Variants in ITCH observed in about 807,000 individuals in gnomAD.
ITCH encodes E3 ubiquitin-protein ligase Itchy homolog.
A neutral mutation model predicts 126.8 loss-of-function variants in ITCH; 28 were observed. That is an observed-to-expected ratio of 0.22 (90% CI 0.16 to 0.30). ITCH has a LOEUF of 0.30. ITCH is among the 10% of genes least tolerant of loss of function. The pLI is 1.00. For synonymous variants in ITCH, 342 were observed against 340.0 expected, an observed-to-expected ratio of 1.01 and a Z score of -0.06; for missense variants, 631 against 1,032.4, an observed-to-expected ratio of 0.61 and a Z score of 5.33.
At chr20:34,445,119 A>G (rs1275391601) in intron 10 of ITCH, among the ~76,000 whole-genome samples, 168 bp from the exon 11 acceptor site, 1 of 152,240 alleles carries the variant, frequency 6.6e-6, no homozygotes, top group African/African-American at 2.4e-5. Context: ...ATGAACTTTC[A>G]AGAAATAAAT....
Position 34,441,963 on chromosome 20 carries a change from C to T in ITCH, c.870-245C>T, listed in dbSNP as rs548272061. 71 of 490,664 alleles carry T rather than the reference C, an allele frequency of 1.4e-4. 1 individual carries two copies. The highest frequency in any genetic ancestry group is 1.4e-3 in the South Asian group (68 of 48,976). The allele number at this position is 490,664 out of a possible 1,614,324, so 30.4% of individuals were successfully genotyped here. On this transcript the variant is annotated intron_variant, in intron 9 of 24. Coordinates refer to ENST00000374864, the MANE Select transcript of ITCH (RefSeq NM_031483.7). ...TCCTAGGTAGACGGACCTCAAGCCTCTTCAGGAATATGTTTTCTCCTAGAG... is the reference window on the plus strand; with the variant it reads ...TCCTAGGTAGACGGACCTCAAGCCTTTTCAGGAATATGTTTTCTCCTAGAG...
chr20:34,435,075 C>A (rs1441015737), intron 7 of ITCH, among the ~76,000 whole-genome samples: 1 of 151,982 alleles, frequency 6.6e-6, no homozygotes, highest in Non-Finnish European at 1.5e-5. Flanking sequence ...CTCATTAAAC[C>A]CATGGTTTTA....
At chr20:34,424,808 C>T (rs1367129277) in intron 7 of ITCH, among the ~76,000 whole-genome samples, 1 of 152,094 alleles carries the variant, frequency 6.6e-6, no homozygotes, top group Non-Finnish European at 1.5e-5. Context: ...AACTCCAGAG[C>T]CATCATTGGG....
intron 7 of ITCH, among the ~76,000 whole-genome samples, chr20:34,432,880 C>G (rs1476643336): frequency 6.6e-6 from 1 of 152,152 alleles, no homozygotes; most frequent in African/African-American, 2.4e-5. Flanking sequence ...TCTGTGGAAC[C>G]TGGGAGATGG....
chr20:34,452,678 T>C (rs1195574610), intron 12 of ITCH, among the ~76,000 whole-genome samples: 1 of 152,098 alleles, frequency 6.6e-6, no homozygotes, highest in Non-Finnish European at 1.5e-5. Flanking sequence ...GAATAATTGG[T>C]TTTTTAGAGA....
At chr20:34,439,959 C>T (rs1983520413) in intron 8 of ITCH, among the ~76,000 whole-genome samples, 196 bp from the exon 9 acceptor site, 1 of 152,088 alleles carries the variant, frequency 6.6e-6, no homozygotes, top group Admixed American at 6.5e-5. Context: ...TAGACAGGAC[C>T]GAAAAAGTAA....
At chr20:34,364,025 G>T (rs2037309855) in intron 1 of ITCH, among the ~76,000 whole-genome samples, 2 of 152,252 alleles carry the variant, frequency 1.3e-5, no homozygotes, top group South Asian at 2.1e-4. Flanking sequence ...GCAGAGAAAA[G>T]AAAAAAGTAG....
intron 2 of ITCH, among the ~76,000 whole-genome samples, chr20:34,376,471 A>AATAC (rs1438029572): frequency 6.6e-6 from 1 of 151,906 alleles, no homozygotes; most frequent in Non-Finnish European, 1.5e-5. Flanking sequence ...TAAATAAATA[A>AATAC]ATAAATAAAA....
chr20:34,466,383 A>G (rs1322378871), intron 14 of ITCH: 1 of 532,326 alleles, frequency 1.9e-6, no homozygotes, highest in Admixed American at 1.9e-5. Context: ...TAGTTTTCTT[A>G]TAGTGTGGCT....
chr20:34,480,882 A>G, intron 19 of ITCH, 150 bp downstream of exon 19: 2 of 990,474 alleles, frequency 2.0e-6, no homozygotes, highest in African/African-American at 3.3e-5. Flanking sequence ...AATATGATAA[A>G]TTTTACAAAA....
At chr20:34,424,404 T>C in intron 6 of ITCH, 76 bp from the exon 7 acceptor site, 2 of 1,050,490 alleles carry the variant, frequency 1.9e-6, no homozygotes, top group South Asian at 1.3e-5. Context: ...TTTGCTTACA[T>C]GGCATGTTTA....
intron 16 of ITCH, chr20:34,476,317 A>G (rs1988215659): frequency 9.2e-7 from 1 of 1,084,562 alleles, no homozygotes; most frequent in Non-Finnish European, 1.4e-6. Flanking sequence ...CGACACGCTC[A>G]GCGGCCGGCT....
At chr20:34,407,672 C>A (rs1017057023) in intron 3 of ITCH, among the ~76,000 whole-genome samples, 1 of 152,156 alleles carries the variant, frequency 6.6e-6, no homozygotes, top group African/African-American at 2.4e-5. Flanking sequence ...ATATGCCATA[C>A]TCATTTGCCT....
At position 34,480,741 on chromosome 20, in the gene ITCH, C is replaced by A. The variant is rs779013000; in HGVS notation, c.1952+9C>A. ...TCTCTCATCTGGGTTAAGTAAGTTT[C>A]TTTTTCCATGTAATTTATTAAAATA... On this transcript the variant is annotated intron_variant, in intron 19 of 24. Coordinates refer to ENST00000374864, the MANE Select transcript of ITCH (RefSeq NM_031483.7). 1 of 1,587,554 alleles carries A rather than the reference C, an allele frequency of 6.3e-7. No individual in the cohort carries two copies. Among genetic ancestry groups the A allele is most frequent in the Middle Eastern group, 1.7e-4 (1 of 5,962 alleles).
intron 7 of ITCH, 99 bp from the exon 8 acceptor site, chr20:34,438,375 A>G: frequency 7.6e-7 from 1 of 1,319,854 alleles, no homozygotes; most frequent in Non-Finnish European, 1.1e-6. Flanking sequence ...AAGCTCTTAA[A>G]AACTTAGAAG....
At chr20:34,403,011 G>GT (rs910634311) in intron 3 of ITCH, among the ~76,000 whole-genome samples, 219 of 148,418 alleles carry the variant, frequency 1.5e-3, no homozygotes, top group African/African-American at 3.6e-3. Context: ...TTATACTTAT[G>GT]TTTTTTTTTT....
intron 6 of ITCH, chr20:34,417,031 T>G: frequency 3.8e-6 from 2 of 527,040 alleles, no homozygotes; most frequent in South Asian, 3.2e-5. Context: ...TGCCTCAGCC[T>G]CCAGAGTAGC....
chr20:34,368,622 C>T (rs1177215335), intron 1 of ITCH, among the ~76,000 whole-genome samples: 1 of 152,124 alleles, frequency 6.6e-6, no homozygotes, highest in African/African-American at 2.4e-5. Context: ...TGGAAACTAT[C>T]CTCACAACTA....
chr20:34,504,398 T>C lies in ITCH; in HGVS notation c.2484T>C (p.His828=), dbSNP rs989643385. The C allele has an allele frequency of 3.1e-6, 5 of 1,605,154 alleles. No homozygotes were observed. The highest frequency in any genetic ancestry group is 3.4e-6 in the Non-Finnish European group (4 of 1,171,866). Residue 828 remains histidine, a synonymous_variant, in exon 24 of 25, where the codon CAT becomes CAC. Transcript: ENST00000374864. ...AAGAAAATTGGCTACCCAGAAGTCA[T>C]ACCTGGTAAGTACAATCAGAATGGA... ...VGKENWLPRS[H]TCFNRLDLPP...
Sources: allele counts gnomAD v4.1 joint callset (sites outside exome capture counted in the v4.1 genomes callset), GRCh38; gene constraint gnomAD v4.1.1; transcripts MANE v1.5; gene names NCBI Gene and HGNC (gene_info 2026-07-23, HGNC 2026-07-21).